Variants in PLD5 observed in about 807,000 individuals in gnomAD.
PLD5 encodes the protein phospholipase D family member 5, also known as inactive phospholipase D5.
Under a neutral mutation model 61.1 loss-of-function variants are expected in PLD5, and 36 were observed. The observed-to-expected ratio is 0.59, with a 90% CI of 0.45 to 0.78. The LOEUF is 0.78. PLD5 is among the 30% of genes least tolerant of loss of function. The pLI, the probability that PLD5 is intolerant of heterozygous loss-of-function variation, is 0.00. For missense variants in PLD5, 515 were observed against 644.4 expected (o/e 0.80, Z 2.17); for synonymous variants, 243 against 242.8 (o/e 1.00, Z -0.01).
chr1:242,244,410 A>C (rs552129317), intron 4 of PLD5, among the ~76,000 whole-genome samples: 260 of 152,346 alleles, frequency 1.7e-3, no homozygotes, highest in African/African-American at 5.2e-3. Context: ...TATCTAATTG[A>C]GTAATAGATA....
intron 3 of PLD5, among the ~76,000 whole-genome samples, chr1:242,284,121 T>G (rs1474549264): frequency 2.3e-4 from 3 of 13,158 alleles, no homozygotes; most frequent in Non-Finnish European, 3.9e-4. Flanking sequence ...TCTTTTTCCT[T>G]TTTTTTTTTT....
intron 1 of PLD5, among the ~76,000 whole-genome samples, chr1:242,369,468 GA>G (rs1016843171): frequency 2.2e-4 from 34 of 152,080 alleles, no homozygotes; most frequent in Admixed American, 2.2e-3. Flanking sequence ...AAAAAAATGG[GA>G]AAAATAATCA....
Position 242,189,445 on chromosome 1 carries a change from C to CAAA in PLD5, c.735+30540_735+30542dup, listed in dbSNP as rs58476673. Among the ~76,000 whole-genome samples the CAAA allele has an allele frequency of 9.6e-3, 675 of 70,392 alleles. 15 individuals carry two copies. The highest frequency in any genetic ancestry group is 0.029 in the African/African-American group (639 of 22,030). The allele number at this position is 70,392 out of a possible 152,430, so 46.2% of individuals were successfully genotyped here. A position where few individuals can be genotyped will look rare whatever the true frequency, so the allele number is the denominator to read the frequency against. Reference sequence around the variant, plus strand: ...TGGGTGACAGAGTGAGACTCCATCTCAAAAAAAAAAAAAAAAAAAAAAAGG... The same window carrying CAAA: ...TGGGTGACAGAGTGAGACTCCATCTCAAAAAAAAAAAAAAAAAAAAAAAAAAGG... On this transcript the variant is annotated intron_variant, in intron 5 of 9. Transcript: ENST00000536534.
At chr1:242,097,102 G>A (rs1294826722) in intron 9 of PLD5, among the ~76,000 whole-genome samples, 2 of 152,144 alleles carry the variant, frequency 1.3e-5, no homozygotes, top group Non-Finnish European at 2.9e-5. Context: ...TGGCTGCATA[G>A]CATTCCACGG....
At chr1:242,381,776 C>T (rs1307351831) in intron 1 of PLD5, among the ~76,000 whole-genome samples, 1 of 152,136 alleles carries the variant, frequency 6.6e-6, no homozygotes, top group Non-Finnish European at 1.5e-5. Flanking sequence ...CAAACAGCTT[C>T]CCCACTTAAC....
At chr1:242,207,774 TTATA>T (rs1243713167) in intron 5 of PLD5, among the ~76,000 whole-genome samples, 8 of 108,916 alleles carry the variant, frequency 7.3e-5, no homozygotes, top group African/African-American at 2.4e-4. Flanking sequence ...TTATATATAT[TTATA>T]TATATTTATA....
rs1558344598 is a variant in PLD5, at chr1:242,207,924, A to ATATATT, written c.735+12063_735+12064insAATATA. Reference sequence around the variant, plus strand: ...TATATTTATATATATTTATATATTTATATATATTTATATATTTATATATAT... The same window carrying ATATATT: ...TATATTTATATATATTTATATATTTATATATTTATATATTTATATATTTATATATAT... On this transcript the variant is annotated intron_variant, in intron 5 of 9. Transcript: ENST00000536534. Among the ~76,000 whole-genome samples the ATATATT allele has an allele frequency of 8.0e-5, 4 of 49,750 alleles. 1 individual carries two copies. Among genetic ancestry groups the ATATATT allele is most frequent in the African/African-American group, 5.0e-4 (4 of 7,984 alleles). 32.6% of individuals were successfully genotyped at this position (49,750 alleles called of 152,430 possible).
intron 2 of PLD5, among the ~76,000 whole-genome samples, chr1:242,323,881 C>G (rs1279109848): frequency 1.3e-5 from 2 of 152,064 alleles, no homozygotes; most frequent in African/African-American, 2.4e-5. Flanking sequence ...AAGGAAGAAG[C>G]AGAAAAGTCA....
At chr1:242,219,940 G>T in intron 5 of PLD5, 48 bp downstream of exon 5, 10 of 1,579,964 alleles carry the variant, frequency 6.3e-6, no homozygotes, top group Non-Finnish European at 8.7e-6. Flanking sequence ...GAAGGTGGTC[G>T]CTTTGAGGGT....
At chr1:242,527,066 C>T (rs1054322306), upstream of PLD5, among the ~76,000 whole-genome samples, 6 of 143,846 alleles carry the variant, frequency 4.2e-5, no homozygotes, top group East Asian at 2.1e-4. Context: ...TAAACTATAC[C>T]TTTATAGGAC....
intron 1 of PLD5, among the ~76,000 whole-genome samples, chr1:242,442,974 G>C (rs189520459): frequency 5.3e-4 from 80 of 152,192 alleles, no homozygotes; most frequent in African/African-American, 1.8e-3. Flanking sequence ...ACAAAAACTG[G>C]GGAAGTCCTA....
chr1:242,382,240 G>A (rs1180162848), intron 1 of PLD5, among the ~76,000 whole-genome samples: 1 of 152,034 alleles, frequency 6.6e-6, no homozygotes, highest in South Asian at 2.1e-4. Context: ...AATATCCAAT[G>A]GGCCATGCCA....
chr1:242,370,460 G>A (rs1661571312), intron 1 of PLD5, among the ~76,000 whole-genome samples: 1 of 152,038 alleles, frequency 6.6e-6, no homozygotes, highest in African/African-American at 2.4e-5. Context: ...GATGCAGACA[G>A]AATAGATGTG....
At chr1:242,378,158 T>C (rs911635713) in intron 1 of PLD5, among the ~76,000 whole-genome samples, 13 of 152,314 alleles carry the variant, frequency 8.5e-5, no homozygotes, top group African/African-American at 2.9e-4. Flanking sequence ...GATAAGCACA[T>C]AGGACAAAAT....
At chr1:242,510,179 C>G (rs1324680926) in intron 1 of PLD5, among the ~76,000 whole-genome samples, 1 of 151,980 alleles carries the variant, frequency 6.6e-6, no homozygotes, top group Non-Finnish European at 1.5e-5. Context: ...CTATAGAAGA[C>G]CCCTTTCCCG....
chr1:242,371,800 G>T (rs957812183), intron 1 of PLD5, among the ~76,000 whole-genome samples: 1 of 152,206 alleles, frequency 6.6e-6, no homozygotes, highest in South Asian at 2.1e-4. Flanking sequence ...ATAATATAGA[G>T]TGACCTCAGT....
chr1:242,202,472 C>G (rs967652820), intron 5 of PLD5, among the ~76,000 whole-genome samples: 1 of 152,152 alleles, frequency 6.6e-6, no homozygotes, highest in Non-Finnish European at 1.5e-5. Flanking sequence ...AACATACAGC[C>G]TTGTCATGCC....
At chr1:242,338,120 G>T (rs1310150556) in intron 2 of PLD5, among the ~76,000 whole-genome samples, 1 of 152,178 alleles carries the variant, frequency 6.6e-6, no homozygotes, top group Non-Finnish European at 1.5e-5. Flanking sequence ...TTTTTTGTCA[G>T]TATAGTCTTT....
At chr1:242,193,167 T>C (rs1257274587) in intron 5 of PLD5, among the ~76,000 whole-genome samples, 1 of 152,072 alleles carries the variant, frequency 6.6e-6, no homozygotes, top group Non-Finnish European at 1.5e-5. Flanking sequence ...CCCTTAATAC[T>C]GTAAGTTCAC....
Sources: gnomAD v4.1 joint callset for allele counts (sites outside exome capture counted in the v4.1 genomes callset) on GRCh38, gnomAD v4.1.1 for gene constraint, MANE v1.5 for transcripts, NCBI Gene and HGNC (gene_info 2026-07-23, HGNC 2026-07-21) for gene names.